Variants in C10orf53 observed in about 807,000 individuals in gnomAD.
C10orf53 encodes the protein chromosome 10 open reading frame 53.
A neutral mutation model predicts 9.4 loss-of-function variants in C10orf53; 8 were observed. The observed-to-expected ratio is 0.85, with a 90% CI of 0.50 to 1.53. C10orf53 has a LOEUF of 1.53. Among genes scored for constraint, C10orf53 ranks in the 40% most tolerant of loss-of-function variants. C10orf53 has a pLI of 0.00. For missense variants in C10orf53, 117 were observed against 117.8 expected (o/e 0.99, Z 0.03); for synonymous variants, 48 against 46.0 (o/e 1.04, Z -0.18).
At chr10:49,682,158 A>G (rs748955987) in intron 1 of C10orf53, among the ~76,000 whole-genome samples, 8 of 152,204 alleles carry the variant, frequency 5.3e-5, no homozygotes, top group Non-Finnish European at 1.0e-4. Context: ...AGTGACATTA[A>G]TTATCTTTAC....
intron 1 of C10orf53, among the ~76,000 whole-genome samples, chr10:49,684,871 G>A (rs1840512563): frequency 1.3e-5 from 2 of 152,030 alleles, no homozygotes; most frequent in Admixed American, 1.3e-4. Context: ...TTATCTGGCT[G>A]GTACTCCTAA....
At chr10:49,680,554 G>T (rs530040638) in intron 1 of C10orf53, among the ~76,000 whole-genome samples, 1 of 152,316 alleles carries the variant, frequency 6.6e-6, no homozygotes, top group South Asian at 2.1e-4. Flanking sequence ...AAACTGATGG[G>T]GGATGAGGCT....
intron 2 of C10orf53, among the ~76,000 whole-genome samples, chr10:49,703,083 C>T (rs756669208): frequency 2.0e-4 from 31 of 152,126 alleles, no homozygotes; most frequent in African/African-American, 3.6e-4. Flanking sequence ...CTACACCTCT[C>T]GTGTCTCTTC....
downstream of C10orf53, among the ~76,000 whole-genome samples, chr10:49,702,236 G>A (rs1840689691): frequency 6.7e-6 from 1 of 148,920 alleles, no homozygotes; most frequent in Admixed American, 6.7e-5. Flanking sequence ...AGGGAGGGAG[G>A]GAGGGAGGGA....
chr10:49,701,695 C>A (rs1418852787), downstream of C10orf53, among the ~76,000 whole-genome samples: 1 of 152,274 alleles, frequency 6.6e-6, no homozygotes, highest in East Asian at 1.9e-4. Context: ...ACCTATCAGG[C>A]CCTCCTTGAA....
downstream of C10orf53, among the ~76,000 whole-genome samples, chr10:49,701,960 G>A (rs545360314): frequency 9.2e-5 from 14 of 152,168 alleles, no homozygotes; most frequent in Non-Finnish European, 1.9e-4. Context: ...CCAGCACTTT[G>A]GGAGGCCGAG....
At position 49,693,515 on chromosome 10, in the gene C10orf53, A is replaced by C. The variant is rs192696223; in HGVS notation, c.98-259A>C. Among the ~76,000 whole-genome samples the C allele has an allele frequency of 2.3e-3, 349 of 152,332 alleles. 2 individuals are homozygous for C. The highest frequency in any genetic ancestry group is 8.0e-3 in the African/African-American group (334 of 41,570). On this transcript the variant is annotated intron_variant, in intron 1 of 2. Transcript: ENST00000374111. ...AAGCCCAATAGCCCTTTACTAGAGG[A>C]AGCTCATTGTTTAACAGATCACCTT...
rs1840634863 is a variant in C10orf53, at chr10:49,696,354, A to G, written c.*1752A>G. 6.6e-6 allele frequency among the ~76,000 whole-genome samples: 1 copy of G among 152,176 alleles called. No homozygotes were observed. Among genetic ancestry groups the G allele is most frequent in the Non-Finnish European group, 1.5e-5 (1 of 68,032 alleles). On this transcript the variant is annotated 3_prime_UTR_variant, in exon 3 of 3. Transcript: ENST00000374111. ...GGCCAAAACTTTTTCAATGCTGAGAACTGAAATTGCTAGCTTCCCCTGTCT... is the reference window on the plus strand; with the variant it reads ...GGCCAAAACTTTTTCAATGCTGAGAGCTGAAATTGCTAGCTTCCCCTGTCT...
downstream of C10orf53, among the ~76,000 whole-genome samples, chr10:49,701,138 T>C (rs1260172049): frequency 5.3e-5 from 8 of 152,240 alleles, no homozygotes; most frequent in South Asian, 1.5e-3. Context: ...ACTTTACAGA[T>C]AGGTACACTC....
At chr10:49,690,494 G>A (rs1212150316) in intron 1 of C10orf53, among the ~76,000 whole-genome samples, 1 of 152,176 alleles carries the variant, frequency 6.6e-6, no homozygotes, top group Non-Finnish European at 1.5e-5. Flanking sequence ...TTTAGAAATA[G>A]GCCTGATCTT....
chr10:49,680,960 C>T (rs540967964), intron 1 of C10orf53, among the ~76,000 whole-genome samples: 247 of 152,250 alleles, frequency 1.6e-3, no homozygotes, highest in African/African-American at 3.7e-3. Context: ...ACAGATAGTC[C>T]CCAACTTAGA....
rs946932724 is a variant in C10orf53, at chr10:49,695,118, T to C, written c.*516T>C. ...TTTCTGACTCCTGAGGGAATAAATA[T>C]TTTAAATTGCTATTATAAAATTAGC... On this transcript the variant is annotated 3_prime_UTR_variant, in exon 3 of 3. Coordinates refer to ENST00000374111, the MANE Select transcript of C10orf53 (RefSeq NM_001042427.3). 3.9e-6 allele frequency: 1 copy of C among 256,096 alleles called. No homozygotes were observed. The highest frequency in any genetic ancestry group is 2.3e-5 in the African/African-American group (1 of 43,340). The allele number at this position is 256,096 out of a possible 1,614,324, so 15.9% of individuals were successfully genotyped here.
Position 49,696,085 on chromosome 10 carries a change from T to C in C10orf53, c.*1483T>C, listed in dbSNP as rs1840631917. 1 of 152,246 alleles carries C rather than the reference T, an allele frequency of 6.6e-6. No homozygotes were observed. Among genetic ancestry groups the C allele is most frequent in the Non-Finnish European group, 1.5e-5 (1 of 68,042 alleles). The allele number at this position is 152,246 out of a possible 1,614,324, so 9.4% of individuals were successfully genotyped here. A position where few individuals can be genotyped will look rare whatever the true frequency, so the allele number is the denominator to read the frequency against. On this transcript the variant is annotated 3_prime_UTR_variant, in exon 3 of 3. Transcript: ENST00000374111. ...GGTTTCTTCTGTTTATGTCTGAATATTCATAAAGAGATAGACATATAGAAA... is the reference window on the plus strand; with the variant it reads ...GGTTTCTTCTGTTTATGTCTGAATACTCATAAAGAGATAGACATATAGAAA...
In C10orf53 at chr10:49,684,638, A is replaced by G. The variant is rs115694609; in HGVS notation, c.97+4844A>G. 2.2e-3 allele frequency among the ~76,000 whole-genome samples: 329 copies of G among 152,198 alleles called. 3 individuals are homozygous for G. The highest frequency in any genetic ancestry group is 7.3e-3 in the African/African-American group (305 of 41,544). On this transcript the variant is annotated intron_variant, in intron 1 of 2. Coordinates refer to ENST00000374111, the MANE Select transcript of C10orf53 (RefSeq NM_001042427.3). ...TACTATAAATGGAATTGTTTTCTTT[A>G]TCTCCTTTTCAGATCAATCATTGCT...
chr10:49,708,596 G>A, exon 3 of C10orf53: 4 of 1,614,196 alleles, frequency 2.5e-6, no homozygotes, highest in Non-Finnish European at 3.4e-6. Context: ...GACTAGAGAA[G>A]AGGGGAACTC....
chr10:49,705,671 C>T (rs1840717874), intron 2 of C10orf53, among the ~76,000 whole-genome samples: 1 of 151,918 alleles, frequency 6.6e-6, no homozygotes. Context: ...AATTATAAAA[C>T]TCTTAGGAAA....
chr10:49,688,449 C>T (rs1018199981), intron 1 of C10orf53, among the ~76,000 whole-genome samples: 31 of 152,206 alleles, frequency 2.0e-4, no homozygotes, highest in African/African-American at 7.5e-4. Context: ...CCCTGCAACC[C>T]TCATCTGCTT....
exon 3 of C10orf53, chr10:49,708,826 C>T: frequency 1.5e-6 from 1 of 682,172 alleles, no homozygotes; most frequent in Non-Finnish European, 2.4e-6. Context: ...AACTGTATTC[C>T]CGTGTTGAAG....
chr10:49,699,672 C>T (rs1840666365), downstream of C10orf53, among the ~76,000 whole-genome samples: 1 of 152,196 alleles, frequency 6.6e-6, no homozygotes, highest in Non-Finnish European at 1.5e-5. Flanking sequence ...ATTCCACCGT[C>T]ACCCTTCCCA....
Sources: allele counts gnomAD v4.1 joint callset (sites outside exome capture counted in the v4.1 genomes callset), GRCh38; gene constraint gnomAD v4.1.1; transcripts MANE v1.5; gene names NCBI Gene and HGNC (gene_info 2026-07-23, HGNC 2026-07-21).